The following CNTNAP2 variants were observed in gnomAD, a reference collection of about 807,000 sequenced individuals.
CNTNAP2 encodes the protein contactin-associated protein-like 2.
Under a neutral mutation model 155.2 loss-of-function variants are expected in CNTNAP2, and 98 were observed. The observed-to-expected ratio is 0.63, with a 90% CI of 0.54 to 0.75. The LOEUF (loss-of-function observed/expected upper bound fraction) is 0.75. Among genes scored for constraint, CNTNAP2 ranks in the 30% least tolerant of loss-of-function variants. The pLI is 0.00. For missense variants in CNTNAP2, 1,727 were observed against 1,688.1 expected (o/e 1.02, Z -0.40); for synonymous variants, 651 against 631.2 (o/e 1.03, Z -0.47).
chr7:147,073,954 G>A (rs1446703169), intron 4 of CNTNAP2, among the ~76,000 whole-genome samples: 1 of 152,056 alleles, frequency 6.6e-6, no homozygotes, highest in Non-Finnish European at 1.5e-5. Flanking sequence ...TCAGATAATA[G>A]GATAAAGATG....
chr7:147,027,588 A>G (rs1798947417), intron 3 of CNTNAP2, among the ~76,000 whole-genome samples: 1 of 152,236 alleles, frequency 6.6e-6, no homozygotes, highest in African/African-American at 2.4e-5. Flanking sequence ...ATGTTTTAGG[A>G]TAAGTAATTA....
At chr7:147,841,298 G>A (rs998680050) in intron 13 of CNTNAP2, among the ~76,000 whole-genome samples, 2 of 152,120 alleles carry the variant, frequency 1.3e-5, no homozygotes, top group Non-Finnish European at 2.9e-5. Flanking sequence ...GTTGAGAGAG[G>A]TAATCGCCAA....
At chr7:146,866,768 G>T (rs1371575724) in intron 3 of CNTNAP2, among the ~76,000 whole-genome samples, 1 of 151,810 alleles carries the variant, frequency 6.6e-6, no homozygotes, top group African/African-American at 2.4e-5. Context: ...GAGCAGAGTT[G>T]GAAACATTTG....
intron 8 of CNTNAP2, among the ~76,000 whole-genome samples, chr7:147,144,804 G>C (rs1341690014): frequency 6.6e-6 from 1 of 152,154 alleles, no homozygotes; most frequent in Non-Finnish European, 1.5e-5. Context: ...GAAAAATAGA[G>C]AATGTGAGCT....
At chr7:146,956,985 TA>T (rs1415051112) in intron 3 of CNTNAP2, among the ~76,000 whole-genome samples, 1 of 152,142 alleles carries the variant, frequency 6.6e-6, no homozygotes, top group African/African-American at 2.4e-5. Context: ...ACTGCGTCCT[TA>T]GGAGATTTCT....
chr7:146,929,668 G>C (rs1796700908), intron 3 of CNTNAP2, among the ~76,000 whole-genome samples: 1 of 151,974 alleles, frequency 6.6e-6, no homozygotes, highest in African/African-American at 2.4e-5. Flanking sequence ...TCCAACCAAA[G>C]GCAAAGAAGT....
intron 13 of CNTNAP2, among the ~76,000 whole-genome samples, chr7:147,648,429 C>T (rs1795401755): frequency 6.6e-6 from 1 of 152,132 alleles, no homozygotes; most frequent in East Asian, 1.9e-4. Context: ...AAATAGGACT[C>T]AGAGGAATAA....
intron 4 of CNTNAP2, among the ~76,000 whole-genome samples, chr7:147,106,642 G>T (rs573342813): frequency 1.3e-4 from 20 of 152,200 alleles, no homozygotes; most frequent in African/African-American, 3.9e-4. Context: ...AAATATTTGA[G>T]ATACTAGCAT....
chr7:147,149,130 AGCTGATTGGTCCATTTTATAGAGT>A (rs1240785891), intron 8 of CNTNAP2, among the ~76,000 whole-genome samples: 2 of 152,064 alleles, frequency 1.3e-5, no homozygotes, highest in Admixed American at 6.6e-5. Flanking sequence ...TTTTACAGAG[AGCTGATTGGTCCATTTTATAGAGT>A]GCTGATTGGC....
intron 1 of CNTNAP2, among the ~76,000 whole-genome samples, chr7:146,711,199 C>T (rs1338525699): frequency 6.7e-6 from 1 of 148,458 alleles, no homozygotes; most frequent in Non-Finnish European, 1.5e-5. Context: ...TGTATGTATA[C>T]ATACACACAC....
At chr7:146,914,861 C>A (rs536306792) in intron 3 of CNTNAP2, among the ~76,000 whole-genome samples, 1 of 151,106 alleles carries the variant, frequency 6.6e-6, no homozygotes, top group African/African-American at 2.4e-5. Flanking sequence ...TTTGCATTTT[C>A]TTTTGGGTTC....
At chr7:147,267,032 C>T (rs770714397) in intron 8 of CNTNAP2, among the ~76,000 whole-genome samples, 14 of 152,144 alleles carry the variant, frequency 9.2e-5, no homozygotes, top group Non-Finnish European at 1.8e-4. Flanking sequence ...TACACTCAAG[C>T]TTCATTTTCA....
intron 1 of CNTNAP2, among the ~76,000 whole-genome samples, chr7:146,736,595 G>C (rs1482557568): frequency 6.6e-6 from 1 of 152,162 alleles, no homozygotes; most frequent in Admixed American, 6.5e-5. Context: ...CTACTAAAGG[G>C]CAGAGATGAT....
intron 1 of CNTNAP2, among the ~76,000 whole-genome samples, chr7:146,550,338 A>G (rs536606145): frequency 6.8e-6 from 1 of 147,344 alleles, no homozygotes; most frequent in Non-Finnish European, 1.5e-5. Flanking sequence ...TAAAATATAG[A>G]TCCTATGGGC....
chr7:146,872,915 C>T (rs967631231), intron 3 of CNTNAP2, among the ~76,000 whole-genome samples: 14 of 152,126 alleles, frequency 9.2e-5, no homozygotes, highest in African/African-American at 2.9e-4. Flanking sequence ...ATCGTTATTC[C>T]AAATGGGAGC....
chr7:148,207,949 G>A (rs1795479120), intron 18 of CNTNAP2, among the ~76,000 whole-genome samples: 1 of 152,272 alleles, frequency 6.6e-6, no homozygotes, highest in East Asian at 1.9e-4. Flanking sequence ...TTAGCCGGGT[G>A]TGGTGGCGGG....
At chr7:147,362,933 C>T (rs1796169253) in intron 9 of CNTNAP2, among the ~76,000 whole-genome samples, 1 of 152,074 alleles carries the variant, frequency 6.6e-6, no homozygotes, top group Non-Finnish European at 1.5e-5. Flanking sequence ...GAAATGACTT[C>T]AAGACAGAGT....
chr7:146,916,862 T>G (rs1022229381), intron 3 of CNTNAP2, among the ~76,000 whole-genome samples: 1 of 152,176 alleles, frequency 6.6e-6, no homozygotes, highest in Non-Finnish European at 1.5e-5. Context: ...CTGCTGAGTT[T>G]GGGTTTGGTT....
chr7:147,452,633 G>A (rs1167937933), intron 10 of CNTNAP2, among the ~76,000 whole-genome samples: 1 of 152,158 alleles, frequency 6.6e-6, no homozygotes, highest in Non-Finnish European at 1.5e-5. Context: ...AAAGGCAGTT[G>A]TACCTGCTAA....
Sources: gnomAD v4.1 joint callset for allele counts (sites outside exome capture counted in the v4.1 genomes callset) on GRCh38, gnomAD v4.1.1 for gene constraint, MANE v1.5 for transcripts, NCBI Gene and HGNC (gene_info 2026-07-23, HGNC 2026-07-21) for gene names.